The following DYTN variants were observed in gnomAD, a reference collection of about 807,000 sequenced individuals.
The protein encoded by DYTN is dystrotelin.
In DYTN, 75 loss-of-function variants were observed where a neutral mutation model predicts 69.6. The observed-to-expected ratio is 1.08, with a 90% confidence interval of 0.89 to 1.31. DYTN has a LOEUF of 1.31. Ranked by LOEUF, DYTN falls within the 50% of genes most tolerant of loss-of-function variation. The pLI is 0.00. For synonymous variants in DYTN, 252 were observed against 249.1 expected (o/e 1.01, Z -0.11); for missense variants, 726 against 688.4 (o/e 1.05, Z -0.61).
At position 206,666,044 on chromosome 2, in the gene DYTN, G is replaced by C. The variant is rs1425456763; in HGVS notation, c.981-15C>G. On this transcript the variant is annotated splice_polypyrimidine_tract_variant and intron_variant, in intron 9 of 11. Coordinates refer to ENST00000452335, the MANE Select transcript of DYTN (RefSeq NM_001093730.1). ...TTTTAAGGAGCCTGAAAAGAGAACA[G>C]ATTTGAGCGGTTTGGAAGGGCAAGA... The C allele has an allele frequency of 6.2e-7, 1 of 1,611,940 alleles. No homozygotes were observed. Among genetic ancestry groups the C allele is most frequent in the East Asian group, 2.2e-5 (1 of 44,868 alleles).
Position 206,663,087 on chromosome 2 carries a change from A to G in DYTN, c.1449T>C (p.Tyr483=), listed in dbSNP as rs1370618317. ...PQKVISALPS[Y]QEGLKQDIPK... Reference sequence around the variant, plus strand: ...GGATGTCCTGCTTCAGTCCCTCCTGATAACTGGGTAGGGCACTAATGACTT... The same window carrying G: ...GGATGTCCTGCTTCAGTCCCTCCTGGTAACTGGGTAGGGCACTAATGACTT... Residue 483 remains tyrosine (Y), a synonymous_variant, in exon 11 of 12, where the codon TAT becomes TAC. Transcript: ENST00000452335. The G allele has an allele frequency of 1.2e-6, 2 of 1,613,672 alleles. No homozygotes were observed. The highest frequency in any genetic ancestry group is 2.7e-5 in the African/African-American group (2 of 74,848).
intron 10 of DYTN, among the ~76,000 whole-genome samples, chr2:206,665,601 A>C (rs1699561316): frequency 6.6e-6 from 1 of 152,218 alleles, no homozygotes; most frequent in Non-Finnish European, 1.5e-5. Context: ...TCCTGAGATC[A>C]AAAGGTTAAA....
At chr2:206,676,132 G>T (rs940529153) in intron 9 of DYTN, among the ~76,000 whole-genome samples, 1 of 152,118 alleles carries the variant, frequency 6.6e-6, no homozygotes, top group Non-Finnish European at 1.5e-5. Context: ...TGCACACATA[G>T]GTTTAATGCA....
intron 9 of DYTN, among the ~76,000 whole-genome samples, chr2:206,683,507 C>G (rs1699773855): frequency 6.6e-6 from 1 of 151,834 alleles, no homozygotes; most frequent in Non-Finnish European, 1.5e-5. Context: ...CCATGCCTGG[C>G]TAATTTTTGT....
At chr2:206,685,401 G>A (rs1047088639) in intron 9 of DYTN, among the ~76,000 whole-genome samples, 3 of 152,032 alleles carry the variant, frequency 2.0e-5, no homozygotes, top group African/African-American at 2.4e-5. Context: ...GGGGTCAAGC[G>A]ATCCTCCCAT....
At position 206,699,778 on chromosome 2, in the gene DYTN, G is replaced by A. The variant is rs775595996; in HGVS notation, c.668C>T (p.Thr223Ile). The stretch of plus-strand genomic sequence containing the variant: ...GCAGAGAGTGCACCGAGCAGGGTGA[G>A]TGACCCTTTCAGCAGCTGATAACCG... ...CHRLSAAERV[T>I]HPARCTLCRT... The change falls in exon 7 of 12, where the codon ACT becomes ATT. Residue 223 changes from threonine (T) to isoleucine (I), a missense_variant. By Grantham distance (89) the Thr-to-Ile change is moderately conservative. Transcript: ENST00000452335. 2 of 1,613,866 alleles carry A rather than the reference G, an allele frequency of 1.2e-6. No homozygotes were observed. The highest frequency in any genetic ancestry group is 2.2e-5 in the South Asian group (2 of 91,086).
At chr2:206,690,298 T>G (rs1699851437) in intron 9 of DYTN, among the ~76,000 whole-genome samples, 1 of 151,942 alleles carries the variant, frequency 6.6e-6, no homozygotes, top group African/African-American at 2.4e-5. Context: ...AGGAGAGCTG[T>G]GAGGCTGAAG....
intron 11 of DYTN, among the ~76,000 whole-genome samples, chr2:206,660,948 C>A (rs919727413): frequency 3.3e-5 from 5 of 152,066 alleles, no homozygotes; most frequent in Non-Finnish European, 7.3e-5. Context: ...CCTGACTAAC[C>A]CCTAGTGCCT....
intron 9 of DYTN, among the ~76,000 whole-genome samples, chr2:206,692,406 C>T (rs1699874828): frequency 6.6e-6 from 1 of 152,024 alleles, no homozygotes; most frequent in Non-Finnish European, 1.5e-5. Context: ...GATGCATATA[C>T]TGGAAGTGGC....
At chr2:206,672,585 A>G (rs1366961649) in intron 9 of DYTN, among the ~76,000 whole-genome samples, 2 of 152,230 alleles carry the variant, frequency 1.3e-5, no homozygotes, top group African/African-American at 2.4e-5. Flanking sequence ...GACAGGCCCA[A>G]TAAAACATCA....
At chr2:206,693,494 G>T (rs1699886912) in intron 8 of DYTN, among the ~76,000 whole-genome samples, 171 bp from the exon 9 acceptor site, 1 of 152,094 alleles carries the variant, frequency 6.6e-6, no homozygotes, top group Non-Finnish European at 1.5e-5. Flanking sequence ...CATTCTCATA[G>T]AAATAGCATA....
rs868385899 is a variant in DYTN, at chr2:206,707,448, C to A, written c.150G>T (p.Trp50Cys). The change falls in exon 3 of 12, where the codon TGG becomes TGT. Residue 50 changes from tryptophan (W) to cysteine (C), a missense_variant. Trp to Cys is a radical substitution (Grantham distance 215). Coordinates refer to ENST00000452335, the MANE Select transcript of DYTN (RefSeq NM_001093730.1). ...CAGAAAGGGAGTGCTTGCGAGCTTC[C>A]CAGAAACTTGGACGCAGTAGGACCT... ...IQQVLLRPSF[W>C]EARKHSLSVQ... 5.6e-6 allele frequency: 9 copies of A among 1,612,748 alleles called. No homozygotes were observed. The highest frequency in any genetic ancestry group is 7.6e-6 in the Non-Finnish European group (9 of 1,179,532).
In DYTN at chr2:206,700,240, G is replaced by A. The variant is rs368343676; in HGVS notation, c.484-24C>T. On this transcript the variant is annotated intron_variant, in intron 5 of 11. Coordinates refer to ENST00000452335, the MANE Select transcript of DYTN (RefSeq NM_001093730.1). Reference sequence around the variant, plus strand: ...ATCTGCAAGAGACAACCTCATCTTAGCTGTTAGAAAGTGGAGAAATATGTC... The same window carrying A: ...ATCTGCAAGAGACAACCTCATCTTAACTGTTAGAAAGTGGAGAAATATGTC... The A allele has an allele frequency of 9.9e-6, 16 of 1,612,896 alleles. 1 individual carries two copies. In the African/African-American group the frequency reaches 2.0e-4, roughly 20 times the overall value.
intron 7 of DYTN, among the ~76,000 whole-genome samples, chr2:206,695,438 A>G (rs1411875059): frequency 6.6e-6 from 1 of 152,232 alleles, no homozygotes; most frequent in East Asian, 1.9e-4. Flanking sequence ...TGTAGGAAAG[A>G]TATAAAGTAG....
intron 1 of DYTN, among the ~76,000 whole-genome samples, chr2:206,711,768 A>T (rs1226777377): frequency 3.1e-5 from 4 of 127,318 alleles, no homozygotes; most frequent in Non-Finnish European, 6.3e-5. Context: ...CCAGTGTGTG[A>T]TGTTCCCCTT....
rs1374821015 is a variant in DYTN at position 206,704,066 on chromosome 2, G to C, written c.483+777C>G. Among the ~76,000 whole-genome samples the C allele has an allele frequency of 7.9e-5, 12 of 152,290 alleles. No homozygotes were observed. In the South Asian group the frequency reaches 2.1e-3, roughly 26 times the overall value. ...TACACATTCTTAAACCACAGGAAAT[G>C]ATGGAAATAATTTTGAGTACTCGAC... On this transcript the variant is annotated intron_variant, in intron 5 of 11. Coordinates refer to ENST00000452335, the MANE Select transcript of DYTN (RefSeq NM_001093730.1).
At chr2:206,674,052 T>C (rs1699655824) in intron 9 of DYTN, among the ~76,000 whole-genome samples, 1 of 152,186 alleles carries the variant, frequency 6.6e-6, no homozygotes, top group Admixed American at 6.5e-5. Context: ...ACAATAGACT[T>C]TTATCCTTAC....
intron 9 of DYTN, among the ~76,000 whole-genome samples, chr2:206,690,202 G>A (rs1699850102): frequency 6.6e-6 from 1 of 152,184 alleles, no homozygotes; most frequent in Admixed American, 6.5e-5. Context: ...TCTTTGGGAA[G>A]TGAGCAGTCA....
At chr2:206,684,434 A>T (rs536196457) in intron 9 of DYTN, among the ~76,000 whole-genome samples, 1 of 152,248 alleles carries the variant, frequency 6.6e-6, no homozygotes, top group African/African-American at 2.4e-5. Flanking sequence ...CCTCCCAAGT[A>T]GCTGAGGCCA....
Sources: allele counts gnomAD v4.1 joint callset (sites outside exome capture counted in the v4.1 genomes callset), GRCh38; gene constraint gnomAD v4.1.1; transcripts MANE v1.5; gene names NCBI Gene and HGNC (gene_info 2026-07-23, HGNC 2026-07-21).